The following RALGAPA2 variants were observed in gnomAD, a reference collection of about 807,000 sequenced individuals.
The protein encoded by RALGAPA2 is Ral GTPase activating protein catalytic subunit alpha 2.
RALGAPA2 carries 139 observed loss-of-function variants against 230.4 expected under a neutral mutation model. The observed-to-expected ratio is 0.60, with a 90% CI of 0.53 to 0.69. The LOEUF is 0.69. RALGAPA2 is among the 30% of genes least tolerant of loss of function. The pLI is 0.00. For missense variants in RALGAPA2, 2,163 were observed against 2,276.0 expected, an observed-to-expected ratio of 0.95 and a Z score of 1.01; for synonymous variants, 847 against 837.8, an observed-to-expected ratio of 1.01 and a Z score of -0.19.
At chr20:20,452,502 C>A (rs894076837) in intron 37 of RALGAPA2, among the ~76,000 whole-genome samples, 1 of 152,214 alleles carries the variant, frequency 6.6e-6, no homozygotes, top group African/African-American at 2.4e-5. Context: ...GTATCCCCAG[C>A]GGAAGGGCTG....
At position 20,678,939 on chromosome 20, in the gene RALGAPA2, C is replaced by A. The variant is rs188507902; in HGVS notation, c.217+1752G>T. ...TGACTCTACATGCCTTCAATTCTCT[C>A]TCCCCTGGTCCTCTGTGACAAAACC... On this transcript the variant is annotated intron_variant, in intron 2 of 39. Coordinates refer to ENST00000202677, the MANE Select transcript of RALGAPA2 (RefSeq NM_020343.4). Among the ~76,000 whole-genome samples, 23 of 152,304 alleles carry A rather than the reference C, an allele frequency of 1.5e-4. No homozygotes were observed. In the East Asian group the frequency reaches 4.0e-3, roughly 27 times the overall value.
chr20:20,635,690 G>T, intron 8 of RALGAPA2, 73 bp from the exon 9 acceptor site: 3 of 1,303,782 alleles, frequency 2.3e-6, no homozygotes, highest in South Asian at 1.5e-5. Flanking sequence ...CAAATGTTTT[G>T]GTTTCCAATT....
intron 28 of RALGAPA2, among the ~76,000 whole-genome samples, 189 bp from the exon 29 acceptor site, chr20:20,525,087 T>A (rs559101845): frequency 1.3e-5 from 2 of 152,258 alleles, no homozygotes; most frequent in South Asian, 4.1e-4. Context: ...TGGGGCCACA[T>A]CCAGTTTCCA....
chr20:20,432,829 T>C (rs1410335728), intron 37 of RALGAPA2, among the ~76,000 whole-genome samples: 1 of 152,218 alleles, frequency 6.6e-6, no homozygotes, highest in African/African-American at 2.4e-5. Context: ...GAATCATCAT[T>C]ATCATTAAAT....
chr20:20,600,193 G>A (rs553433042), intron 16 of RALGAPA2, among the ~76,000 whole-genome samples: 3 of 152,070 alleles, frequency 2.0e-5, no homozygotes, highest in Non-Finnish European at 4.4e-5. Flanking sequence ...CTACTCAGGA[G>A]GCTGAGGCAG....
intron 1 of RALGAPA2, among the ~76,000 whole-genome samples, chr20:20,708,999 T>C (rs921641333): frequency 2.8e-4 from 43 of 151,280 alleles, no homozygotes; most frequent in African/African-American, 9.7e-4. Flanking sequence ...CTGGGCAACA[T>C]GGCAAAACCC....
intron 23 of RALGAPA2, among the ~76,000 whole-genome samples, chr20:20,550,165 A>G (rs2063883876): frequency 1.3e-5 from 2 of 152,078 alleles, no homozygotes; most frequent in Admixed American, 6.6e-5. Flanking sequence ...CAAGTCCCCA[A>G]AGTCCACTGT....
At chr20:20,648,365 GA>G (rs1433217250) in intron 4 of RALGAPA2, among the ~76,000 whole-genome samples, 1 of 152,070 alleles carries the variant, frequency 6.6e-6, no homozygotes, top group Non-Finnish European at 1.5e-5. Flanking sequence ...AAAGATGGGA[GA>G]GCGGGATTAC....
intron 4 of RALGAPA2, among the ~76,000 whole-genome samples, chr20:20,650,636 T>C (rs1006175982): frequency 6.6e-6 from 1 of 152,210 alleles, no homozygotes; most frequent in Admixed American, 6.5e-5. Flanking sequence ...TATCAGACAC[T>C]GGTTGGTGAG....
chr20:20,591,881 T>C lies in RALGAPA2; in HGVS notation c.2204-567A>G, dbSNP rs1407682565. ...GTACAGAATGATCCACAGGTATTTG[T>C]AGAAAACCAATATATATGAGACATA... is the stretch of plus-strand genomic sequence containing the variant. On this transcript the variant is annotated intron_variant, in intron 16 of 39. Coordinates refer to ENST00000202677, the MANE Select transcript of RALGAPA2 (RefSeq NM_020343.4). Among the ~76,000 whole-genome samples the C allele has an allele frequency of 2.6e-5, 4 of 152,174 alleles. No homozygotes were observed. In the East Asian group the frequency reaches 5.8e-4, roughly 22 times the overall value.
chr20:20,647,293 G>A (rs2067246944), intron 4 of RALGAPA2, among the ~76,000 whole-genome samples: 1 of 152,012 alleles, frequency 6.6e-6, no homozygotes, highest in African/African-American at 2.4e-5. Flanking sequence ...TACACACAAT[G>A]CAGTACACCA....
At chr20:20,638,536 C>A (rs1030297997) in intron 7 of RALGAPA2, among the ~76,000 whole-genome samples, 1 of 152,206 alleles carries the variant, frequency 6.6e-6, no homozygotes, top group South Asian at 2.1e-4. Context: ...TGCATGCAAA[C>A]CTCTATCCTA....
chr20:20,691,338 AC>A (rs2068897392), intron 1 of RALGAPA2, among the ~76,000 whole-genome samples: 1 of 151,676 alleles, frequency 6.6e-6, no homozygotes, highest in South Asian at 2.1e-4. Context: ...CTGTCCTTCA[AC>A]CCCTCTGCCT....
chr20:20,656,783 T>A (rs1438476877), intron 3 of RALGAPA2, among the ~76,000 whole-genome samples: 1 of 151,928 alleles, frequency 6.6e-6, no homozygotes, highest in Admixed American at 6.6e-5. Context: ...CCCAAGCTGG[T>A]TTACAACCTA....
chr20:20,537,829 G>A (rs1022326438), intron 24 of RALGAPA2, among the ~76,000 whole-genome samples: 2 of 152,166 alleles, frequency 1.3e-5, no homozygotes, highest in Non-Finnish European at 2.9e-5. Flanking sequence ...TCTAAGTGCT[G>A]TACAAGCATT....
At chr20:20,505,994 C>T (rs531005985) in intron 33 of RALGAPA2, among the ~76,000 whole-genome samples, 3 of 152,180 alleles carry the variant, frequency 2.0e-5, no homozygotes, top group Admixed American at 1.3e-4. Context: ...TAACTCTACA[C>T]TTTAAGGCTA....
At chr20:20,671,461 C>G (rs552578631) in intron 3 of RALGAPA2, among the ~76,000 whole-genome samples, 1 of 152,174 alleles carries the variant, frequency 6.6e-6, no homozygotes, top group African/African-American at 2.4e-5. Flanking sequence ...ACTTCCAAAC[C>G]CTTATAAACT....
intron 39 of RALGAPA2, among the ~76,000 whole-genome samples, chr20:20,393,458 T>C (rs1011845615): frequency 2.2e-4 from 33 of 152,234 alleles, no homozygotes; most frequent in Non-Finnish European, 3.1e-4. Flanking sequence ...TGCCCTGGGC[T>C]TTTCTGCAGC....
chr20:20,606,188 A>G (rs1438812758), intron 14 of RALGAPA2, among the ~76,000 whole-genome samples: 1 of 152,108 alleles, frequency 6.6e-6, no homozygotes, highest in African/African-American at 2.4e-5. Context: ...TTCTTGAACG[A>G]ATGTTCCACA....
Sources: allele counts gnomAD v4.1 joint callset (sites outside exome capture counted in the v4.1 genomes callset), GRCh38; gene constraint gnomAD v4.1.1; transcripts MANE v1.5; gene names NCBI Gene and HGNC (gene_info 2026-07-23, HGNC 2026-07-21).